The following RUNX1 variants were observed in gnomAD, a reference collection of about 807,000 sequenced individuals.
RUNX1 encodes the protein runt-related transcription factor 1.
A neutral mutation model predicts 42.8 loss-of-function variants in RUNX1; 19 were observed. The observed-to-expected ratio is 0.44, with a 90% CI of 0.31 to 0.65. The LOEUF (loss-of-function observed/expected upper bound fraction) is 0.65. RUNX1 is among the 30% of genes least tolerant of loss of function. RUNX1 has a pLI of 0.07. For missense variants in RUNX1, 528 were observed against 672.0 expected (o/e 0.79, Z 2.37); for synonymous variants, 271 against 289.4 (o/e 0.94, Z 0.64).
intron 2 of RUNX1, among the ~76,000 whole-genome samples, chr21:34,987,469 C>T (rs930694364): frequency 1.3e-5 from 2 of 152,084 alleles, no homozygotes; most frequent in Non-Finnish European, 2.9e-5. Flanking sequence ...TAATTTAGGA[C>T]CCGAAAGAGA....
intron 2 of RUNX1, among the ~76,000 whole-genome samples, chr21:35,006,617 T>C (rs1296122985): frequency 6.6e-6 from 1 of 152,070 alleles, no homozygotes; most frequent in Non-Finnish European, 1.5e-5. Flanking sequence ...GGTTGTTACA[T>C]AGGAAGTGCT....
At position 34,792,309 on chromosome 21, in the gene RUNX1, G is replaced by GGGGGGGGCC; in HGVS notation, c.1268_1269insGGCCCCCCC (p.Arg423_Ser424insAlaProPro). On this transcript the variant is annotated inframe_insertion, in exon 9 of 9. Transcript: ENST00000675419. The surrounding 1 kb of genome is among the most constrained non-coding windows in gnomAD (Gnocchi z 6.9). ...AGGGCGGCAGGATGCGCGGCGGCGA[G>GGGGGGGGCC]CGCTCGCCGCCCACCATGGAGAACT... 1 of 1,542,478 alleles carries GGGGGGGGCC rather than the reference G, an allele frequency of 6.5e-7. No individual in the cohort carries two copies. Among genetic ancestry groups the GGGGGGGGCC allele is most frequent in the Non-Finnish European group, 8.7e-7 (1 of 1,145,396 alleles).
rs2834669 is a variant in RUNX1 at position 34,907,746 on chromosome 21, A to G, written c.59-14783T>C. Among the ~76,000 whole-genome samples the G allele has an allele frequency of 0.085, 12,997 of 152,258 alleles. 574 individuals are homozygous for G. Among genetic ancestry groups the G allele is most frequent in the Admixed American group, 0.098 (1,502 of 15,290 alleles). On this transcript the variant is annotated intron_variant, in intron 2 of 8. Transcript: ENST00000675419. This position sits in a 1 kb window ranked among gnomAD's most constrained non-coding sequence, Gnocchi z 5.3. ...TCAAGCTAAACAGTCATGAGAGGTG[A>G]AGGATTATTATGAAATAAAACAGAG... is the stretch of plus-strand genomic sequence containing the variant.
intron 5 of RUNX1, among the ~76,000 whole-genome samples, chr21:34,865,715 C>A (rs569383011): frequency 6.6e-6 from 1 of 152,160 alleles, no homozygotes; most frequent in Non-Finnish European, 1.5e-5. Flanking sequence ...AATAAAGCCA[C>A]GGCTGGAACC....
intron 2 of RUNX1, among the ~76,000 whole-genome samples, chr21:35,005,067 T>C (rs1601662403): frequency 6.6e-6 from 1 of 152,268 alleles, no homozygotes; most frequent in East Asian, 1.9e-4. Context: ...CACCACTGAA[T>C]TGTTGAAAGA....
At chr21:34,869,756 C>T (rs541237105) in intron 5 of RUNX1, among the ~76,000 whole-genome samples, 7 of 152,294 alleles carry the variant, frequency 4.6e-5, no homozygotes, top group African/African-American at 1.7e-4. Flanking sequence ...CTACAAAACC[C>T]CTTCAACTTG....
rs201710387 is a variant in RUNX1, at chr21:34,897,875, A to AT, written c.59-4913dup. Among the ~76,000 whole-genome samples, 393 of 151,504 alleles carry AT rather than the reference A, an allele frequency of 2.6e-3. 1 individual carries two copies. The highest frequency in any genetic ancestry group is 4.8e-3 in the Non-Finnish European group (326 of 67,790). On this transcript the variant is annotated intron_variant, in intron 2 of 8. Coordinates refer to ENST00000675419, the MANE Select transcript of RUNX1 (RefSeq NM_001754.5). ...GGTTATGTTACATGGAAAAAAAGAG[A>AT]TTTTTTTTTGCATATGTAATTAAGG...
At chr21:34,995,952 C>A (rs949796091) in intron 2 of RUNX1, among the ~76,000 whole-genome samples, 3 of 152,148 alleles carry the variant, frequency 2.0e-5, no homozygotes, top group Non-Finnish European at 2.9e-5. Context: ...TTGTAGCCAT[C>A]ATTTTTTATC....
At chr21:34,876,310 A>T (rs555447960) in intron 5 of RUNX1, among the ~76,000 whole-genome samples, 9 of 152,240 alleles carry the variant, frequency 5.9e-5, no homozygotes, top group Non-Finnish European at 1.0e-4. Flanking sequence ...GACCCCGGCG[A>T]TAACAAAAAC....
chr21:34,907,892 C>T lies in RUNX1; in HGVS notation c.59-14929G>A, dbSNP rs1018511440. ...TAGAGGTGAAAAGATTCTTAGCAAA[C>T]ATTTTGTCCAATCCATTTAGTTTAT... On this transcript the variant is annotated intron_variant, in intron 2 of 8. Coordinates refer to ENST00000675419, the MANE Select transcript of RUNX1 (RefSeq NM_001754.5). The surrounding 1 kb of genome is among the most constrained non-coding windows in gnomAD (Gnocchi z 5.3). Among the ~76,000 whole-genome samples the T allele has an allele frequency of 1.3e-5, 2 of 152,078 alleles. No homozygotes were observed. Among genetic ancestry groups the T allele is most frequent in the African/African-American group, 4.8e-5 (2 of 41,390 alleles).
Position 34,886,975 on chromosome 21 carries a change from G to T in RUNX1, c.219C>A (p.Ser73Arg). The T allele has an allele frequency of 6.2e-7, 1 of 1,609,402 alleles. No individual in the cohort carries two copies. Among genetic ancestry groups the T allele is most frequent in the Non-Finnish European group, 8.5e-7 (1 of 1,178,998 alleles). The stretch of plus-strand genomic sequence containing the variant: ...GCACCTCCACCATGCTGCGGTCGCC[G>T]CTCCTCAGCTTGCCGGCCAGGGCAG... Reference protein sequence around the residue: ...AGAALAGKLRSGDRSMVEVLA... With the variant: ...AGAALAGKLRRGDRSMVEVLA... Residue 73 changes from serine (S) to arginine (R), a missense_variant, in exon 4 of 9, where the codon AGC (serine) becomes AGA (arginine). By Grantham distance (110) the Ser-to-Arg change is moderately radical. Transcript: ENST00000675419.
chr21:35,018,276 TCGGCCTCCCAAAGTG>T (rs1178336980), intron 2 of RUNX1, among the ~76,000 whole-genome samples: 1 of 152,192 alleles, frequency 6.6e-6, no homozygotes, highest in Non-Finnish European at 1.5e-5. Flanking sequence ...TCTGCCTGTC[TCGGCCTCCCAAAGTG>T]CTGGGATTAT....
chr21:34,926,901 G>A (rs1242785389), intron 2 of RUNX1, among the ~76,000 whole-genome samples: 1 of 152,116 alleles, frequency 6.6e-6, no homozygotes, highest in African/African-American at 2.4e-5. Flanking sequence ...GTGAGGCAAG[G>A]AAGAGCTGCA....
intron 3 of RUNX1, chr21:34,889,696 G>A: frequency 1.7e-6 from 2 of 1,172,194 alleles, no homozygotes; most frequent in South Asian, 1.9e-5. Context: ...GCGTGCGGGC[G>A]GCCGCTTCCC....
intron 2 of RUNX1, among the ~76,000 whole-genome samples, chr21:34,921,871 T>C (rs1312773952): frequency 6.6e-6 from 1 of 152,144 alleles, no homozygotes; most frequent in Non-Finnish European, 1.5e-5. Flanking sequence ...TAACCCCAAG[T>C]GATCCACCTG....
intron 2 of RUNX1, among the ~76,000 whole-genome samples, chr21:35,032,727 C>G (rs1354685864): frequency 6.6e-6 from 1 of 152,222 alleles, no homozygotes; most frequent in East Asian, 1.9e-4. Context: ...TTGGAACCAC[C>G]TCCATGTTGC....
intron 2 of RUNX1, among the ~76,000 whole-genome samples, chr21:34,939,633 TCC>T (rs2058511870): frequency 6.6e-6 from 1 of 151,328 alleles, no homozygotes; most frequent in Non-Finnish European, 1.5e-5. Context: ...GCACCAAAAA[TCC>T]CCCCACTGCA....
chr21:34,849,417 T>TACTATATATAATATATTA lies in RUNX1; in HGVS notation c.613+10056_613+10057insTAATATATTATATATAGT, dbSNP rs550638726. 6.4e-4 allele frequency among the ~76,000 whole-genome samples: 29 copies of TACTATATATAATATATTA among 45,526 alleles called. 1 individual carries two copies. Among genetic ancestry groups the TACTATATATAATATATTA allele is most frequent in the Admixed American group, 1.9e-3 (4 of 2,124 alleles). The allele number at this position is 45,526 out of a possible 152,430, so 29.9% of individuals were successfully genotyped here. On this transcript the variant is annotated intron_variant, in intron 6 of 8. Transcript: ENST00000675419. ...AATATATTATACTATATATAATATA[T>TACTATATATAATATATTA]TATATAGTATATATATTATATATAT...
At chr21:34,997,751 G>A (rs1233499347) in intron 2 of RUNX1, among the ~76,000 whole-genome samples, 2 of 152,198 alleles carry the variant, frequency 1.3e-5, no homozygotes, top group Non-Finnish European at 2.9e-5. Flanking sequence ...ACTTCCTCTT[G>A]CTTTGGAGCT....
Sources: gnomAD v4.1 joint callset for allele counts (sites outside exome capture counted in the v4.1 genomes callset) on GRCh38, gnomAD v4.1.1 for gene constraint, Gnocchi (gnomAD v3.1) non-coding constraint, MANE v1.5 for transcripts, NCBI Gene and HGNC (gene_info 2026-07-23, HGNC 2026-07-21) for gene names.